Variants in CDH9 observed in about 807,000 individuals in gnomAD.
CDH9 encodes cadherin 9, also known as cadherin-9.
In CDH9, 28 loss-of-function variants were observed where a neutral mutation model predicts 70.9. The observed-to-expected ratio is 0.40, with a 90% confidence interval of 0.29 to 0.54. The LOEUF is 0.54. Among genes scored for constraint, CDH9 ranks in the 20% least tolerant of loss-of-function variants. The pLI is 0.59. For missense variants in CDH9, 874 were observed against 984.4 expected, an observed-to-expected ratio of 0.89 and a Z score of 1.50; for synonymous variants, 409 against 343.1, an observed-to-expected ratio of 1.19 and a Z score of -2.12.
At chr5:26,983,004 G>A (rs1045009863) in intron 2 of CDH9, among the ~76,000 whole-genome samples, 2 of 152,084 alleles carry the variant, frequency 1.3e-5, no homozygotes, top group Non-Finnish European at 2.9e-5. Flanking sequence ...GATTTTAAGA[G>A]ATGATCTCAT....
chr5:26,967,987 A>G (rs1398257233), intron 2 of CDH9, among the ~76,000 whole-genome samples: 3 of 152,068 alleles, frequency 2.0e-5, no homozygotes, highest in African/African-American at 7.2e-5. Context: ...TGCTGTGATT[A>G]CAAACATGAG....
At chr5:26,949,342 G>A (rs1741806520) in intron 2 of CDH9, among the ~76,000 whole-genome samples, 1 of 152,142 alleles carries the variant, frequency 6.6e-6, no homozygotes, top group Admixed American at 6.6e-5. Flanking sequence ...TGATATAGCT[G>A]CTGAGTTTAA....
chr5:26,923,711 A>G (rs1741288023), intron 2 of CDH9, among the ~76,000 whole-genome samples: 1 of 152,134 alleles, frequency 6.6e-6, no homozygotes, highest in Non-Finnish European at 1.5e-5. Context: ...AATATCAAGC[A>G]TGTTCTCTGA....
chr5:26,893,780 A>T lies in CDH9; in HGVS notation c.1254-3216T>A, dbSNP rs144529093. On this transcript the variant is annotated intron_variant, in intron 7 of 11. Coordinates refer to ENST00000231021, the MANE Select transcript of CDH9 (RefSeq NM_016279.4). ...CAGAGTATTATCAGAGATAGATCCG[A>T]TTTGCAAAATAACAATGTAGTAAAA... Among the ~76,000 whole-genome samples the T allele has an allele frequency of 1.2e-3, 184 of 152,174 alleles. 2 individuals carry two copies. Among genetic ancestry groups the T allele is most frequent in the African/African-American group, 4.3e-3 (178 of 41,536 alleles).
At chr5:26,992,633 AAT>A (rs1284740535) in intron 1 of CDH9, among the ~76,000 whole-genome samples, 1 of 152,158 alleles carries the variant, frequency 6.6e-6, no homozygotes, top group Non-Finnish European at 1.5e-5. Context: ...AATATCTAAA[AAT>A]GTGGAAGTGG....
chr5:26,892,473 T>G (rs912091022), intron 7 of CDH9, among the ~76,000 whole-genome samples: 2 of 152,198 alleles, frequency 1.3e-5, no homozygotes, highest in Non-Finnish European at 2.9e-5. Context: ...GTGATTAGAA[T>G]AAGAACGGAA....
At chr5:26,944,102 T>C (rs2112038833) in intron 2 of CDH9, among the ~76,000 whole-genome samples, 1 of 152,242 alleles carries the variant, frequency 6.6e-6, no homozygotes, top group South Asian at 2.1e-4. Context: ...TTATGGTACA[T>C]TTTTTTCTTC....
chr5:27,034,775 T>C (rs1372689545), intron 1 of CDH9, among the ~76,000 whole-genome samples: 1 of 151,662 alleles, frequency 6.6e-6, no homozygotes, highest in Non-Finnish European at 1.5e-5. Context: ...ATTTGTAATG[T>C]GGCTAGAAGA....
rs998006700 is a variant in CDH9, at chr5:27,020,840, G to C, written c.-50+17623C>G. On this transcript the variant is annotated intron_variant, in intron 1 of 11. Coordinates refer to ENST00000231021, the MANE Select transcript of CDH9 (RefSeq NM_016279.4). Reference sequence around the variant, plus strand: ...AGTGTAGCTAGTACATAGTTCATGGGATAATTGAGCTCAGATATTTTATCT... The same window carrying C: ...AGTGTAGCTAGTACATAGTTCATGGCATAATTGAGCTCAGATATTTTATCT... Among the ~76,000 whole-genome samples, 8 of 151,534 alleles carry C rather than the reference G, an allele frequency of 5.3e-5. No individual in the cohort carries two copies. The Admixed American group carries it at 5.3e-4, about 10-fold the overall frequency.
At chr5:27,022,753 C>T in intron 1 of CDH9, among the ~76,000 whole-genome samples, 1 of 151,994 alleles carries the variant, frequency 6.6e-6, no homozygotes, top group Non-Finnish European at 1.5e-5. Flanking sequence ...CACAGAAAGA[C>T]TGATATCCAT....
At chr5:27,013,251 A>C (rs1742988667) in intron 1 of CDH9, among the ~76,000 whole-genome samples, 1 of 152,056 alleles carries the variant, frequency 6.6e-6, no homozygotes, top group African/African-American at 2.4e-5. Context: ...TAGTTTAATT[A>C]GTCAAATATT....
chr5:26,945,915 G>A (rs1741744960), intron 2 of CDH9, among the ~76,000 whole-genome samples: 1 of 152,106 alleles, frequency 6.6e-6, no homozygotes, highest in Admixed American at 6.6e-5. Context: ...AAGAAAGAAG[G>A]TAGGTGACTT....
intron 5 of CDH9, among the ~76,000 whole-genome samples, chr5:26,905,574 T>A (rs1000621121): frequency 6.6e-6 from 1 of 152,058 alleles, no homozygotes; most frequent in African/African-American, 2.4e-5. Context: ...AGGATTTGAA[T>A]CCAGATAGGC....
chr5:26,921,670 G>A (rs1280509765), intron 2 of CDH9, among the ~76,000 whole-genome samples: 2 of 152,156 alleles, frequency 1.3e-5, no homozygotes, highest in African/African-American at 2.4e-5. Context: ...TCATCTTTGA[G>A]TGTACTGTCT....
chr5:26,909,768 ATTAT>A (rs1173936510), intron 3 of CDH9, among the ~76,000 whole-genome samples: 1 of 151,770 alleles, frequency 6.6e-6, no homozygotes, highest in African/African-American at 2.4e-5. Context: ...TTCTTAACTC[ATTAT>A]TTACTTAACT....
chr5:26,893,876 AT>A, intron 7 of CDH9, among the ~76,000 whole-genome samples: 1 of 152,248 alleles, frequency 6.6e-6, no homozygotes, highest in African/African-American at 2.4e-5. Context: ...ATGAAACAAA[AT>A]ATTATGTTTC....
At chr5:26,901,207 T>C (rs918411428) in intron 7 of CDH9, among the ~76,000 whole-genome samples, 1 of 151,968 alleles carries the variant, frequency 6.6e-6, no homozygotes, top group Admixed American at 6.6e-5. Flanking sequence ...GAAGGTGTGT[T>C]TCAAAATGAT....
chr5:26,948,232 A>G (rs1337291230), intron 2 of CDH9, among the ~76,000 whole-genome samples: 1 of 152,244 alleles, frequency 6.6e-6, no homozygotes. Context: ...ATGACAGTTC[A>G]TAAAGGAAAT....
intron 2 of CDH9, among the ~76,000 whole-genome samples, chr5:26,927,402 A>G (rs1741361741): frequency 6.6e-6 from 1 of 152,078 alleles, no homozygotes. Flanking sequence ...GCAGTTAAAC[A>G]AGAGAAAGAC....
Sources: allele counts gnomAD v4.1 joint callset (sites outside exome capture counted in the v4.1 genomes callset), GRCh38; gene constraint gnomAD v4.1.1; transcripts MANE v1.5; gene names NCBI Gene and HGNC (gene_info 2026-07-23, HGNC 2026-07-21).